Variants in ADAMTS7 observed in about 807,000 individuals in gnomAD.
ADAMTS7 encodes the protein A disintegrin and metalloproteinase with thrombospondin motifs 7.
In ADAMTS7, 89 loss-of-function variants were observed where a neutral mutation model predicts 172.6. That is an observed-to-expected ratio of 0.52 (90% CI 0.43 to 0.61). The LOEUF (loss-of-function observed/expected upper bound fraction) is 0.61, where lower values mean the gene tolerates loss of function less well. ADAMTS7 is among the 20% of genes least tolerant of loss of function. ADAMTS7 has a pLI of 0.00. For synonymous variants in ADAMTS7, 885 were observed against 978.4 expected (o/e 0.90, Z 1.78); for missense variants, 1,973 against 2,355.6 (o/e 0.84, Z 3.36).
chr15:78,780,703 T>A (rs938866312), intron 8 of ADAMTS7, among the ~76,000 whole-genome samples: 3 of 152,222 alleles, frequency 2.0e-5, no homozygotes, highest in African/African-American at 7.2e-5. Flanking sequence ...CTGAGGGTTC[T>A]TCTGCCCCAC....
At chr15:78,788,936 A>C (rs1273806720) in intron 7 of ADAMTS7, among the ~76,000 whole-genome samples, 3 of 152,236 alleles carry the variant, frequency 2.0e-5, no homozygotes, top group African/African-American at 7.2e-5. Flanking sequence ...TATTACCCTC[A>C]GGAAGGCTCA....
intron 2 of ADAMTS7, 135 bp from the exon 3 acceptor site, chr15:78,798,248 C>T: frequency 1.2e-6 from 1 of 819,054 alleles, no homozygotes; most frequent in South Asian, 2.1e-5. Context: ...ACACACTGTA[C>T]TTTCCTCCCG....
intron 8 of ADAMTS7, among the ~76,000 whole-genome samples, chr15:78,782,915 G>A (rs2055449157): frequency 6.6e-6 from 1 of 152,128 alleles, no homozygotes. Flanking sequence ...TGGGGAGGGT[G>A]AACCAGGAGG....
At chr15:78,798,632 C>T (rs1348460225) in intron 2 of ADAMTS7, among the ~76,000 whole-genome samples, 6 of 152,138 alleles carry the variant, frequency 3.9e-5, no homozygotes, top group Admixed American at 3.9e-4. Flanking sequence ...GAGGAGATGC[C>T]CACGGCCACC....
At chr15:78,806,915 A>G (rs1424558776) in intron 1 of ADAMTS7, among the ~76,000 whole-genome samples, 1 of 152,044 alleles carries the variant, frequency 6.6e-6, no homozygotes, top group Non-Finnish European at 1.5e-5. Context: ...TACAGGTGCA[A>G]GCCACCATGC....
chr15:78,793,630 T>C (rs2055608685), intron 4 of ADAMTS7, among the ~76,000 whole-genome samples: 1 of 152,234 alleles, frequency 6.6e-6, no homozygotes, highest in South Asian at 2.1e-4. Flanking sequence ...CCCTGAAATA[T>C]TCCTTGGGAA....
In ADAMTS7 at chr15:78,776,794, G is replaced by C; in HGVS notation, c.1515C>G (p.Ser505=). The stretch of plus-strand genomic sequence containing the variant: ...TGCCGTCCACAGCTGCATCCAGCTT[G>C]GAGTGACAGGTGGTCCCCACAGAGC... ...LWCSVGTTCH[S]KLDAAVDGTR... The change falls in exon 10 of 24, where the codon TCC becomes TCG. Residue 505 remains serine (S), a synonymous_variant. Transcript: ENST00000388820. The C allele has an allele frequency of 6.4e-7, 1 of 1,551,790 alleles. No homozygotes were observed. The highest frequency in any genetic ancestry group is 8.7e-7 in the Non-Finnish European group (1 of 1,146,762).
intron 8 of ADAMTS7, among the ~76,000 whole-genome samples, chr15:78,782,112 A>T (rs1596189152): frequency 6.6e-6 from 1 of 151,508 alleles, no homozygotes; most frequent in Non-Finnish European, 1.5e-5. Flanking sequence ...GCTCACTGCA[A>T]CCTCCACCTC....
Position 78,763,925 on chromosome 15 carries a change from C to T in ADAMTS7, c.4593+1G>A. The T allele has an allele frequency of 1.3e-6, 2 of 1,549,526 alleles. No homozygotes were observed. The highest frequency in any genetic ancestry group is 1.7e-6 in the Non-Finnish European group (2 of 1,147,198). On this transcript the variant is annotated splice_donor_variant, in intron 21 of 23. Transcript: ENST00000388820. LOFTEE classifies it high-confidence loss of function. ...CCCCCAACTCAACGGCCAGGCCTCA[C>T]CTCCCTCCAGGAAGATGTGTACCAG...
chr15:78,765,652 C>T lies in ADAMTS7; in HGVS notation c.4259G>A (p.Trp1420Ter), dbSNP rs2055127951. ...CCAGCCCACACCACTTGCCTCGCTC[C>T]AGTTTCCCGCTTGCCAGCCGGCGTT... ...VRNAGWQAGN[W>*]SECSTTCGLG... is the part of the protein sequence containing the mutation. The change falls in exon 19 of 24, where the codon TGG becomes TAG. Residue 1420 changes from tryptophan (W) to a stop codon, truncating the protein, a stop_gained. Coordinates refer to ENST00000388820, the MANE Select transcript of ADAMTS7 (RefSeq NM_014272.5). LOFTEE classifies it high-confidence loss of function. The T allele has an allele frequency of 6.2e-7, 1 of 1,608,764 alleles. No homozygotes were observed. Among genetic ancestry groups the T allele is most frequent in the South Asian group, 1.1e-5 (1 of 90,862 alleles).
rs1429534708 is a variant in ADAMTS7, at chr15:78,759,302, C to T, written c.*119G>A. On this transcript the variant is annotated 3_prime_UTR_variant, in exon 24 of 24. Transcript: ENST00000388820. ...CCTTTTTTGAGGGGGAGGAGGTCCC[C>T]AGCCTGCTGCTGGGTAGTGAGAGGG... 2.1e-6 allele frequency: 2 copies of T among 974,150 alleles called. No individual in the cohort carries two copies. Among genetic ancestry groups the T allele is most frequent in the Non-Finnish European group, 2.8e-6 (2 of 706,172 alleles). 60.3% of individuals were successfully genotyped at this position (974,150 alleles called of 1,614,324 possible). A position where few individuals can be genotyped will look rare whatever the true frequency, so the allele number is the denominator to read the frequency against.
At position 78,771,775 on chromosome 15, in the gene ADAMTS7, T is replaced by A; in HGVS notation, c.2186A>T (p.Glu729Val). The A allele has an allele frequency of 6.2e-7, 1 of 1,612,748 alleles. No homozygotes were observed. The highest frequency in any genetic ancestry group is 8.5e-7 in the Non-Finnish European group (1 of 1,179,994). The stretch of plus-strand genomic sequence containing the variant: ...CAGGAAGTTGGCAGCCTCGGCAACC[T>A]CTTGGATGCGGATCTCGCGTGCGCC... Reference protein sequence around the residue: ...PAGAREIRIQEVAEAANFLAL... With the variant: ...PAGAREIRIQVVAEAANFLAL... The change falls in exon 15 of 24, where the codon GAG becomes GTG. Residue 729 changes from glutamate to valine, a missense_variant. This residue lies in a region of ADAMTS7 where 771 missense variants were observed against 952.6 expected (regional missense o/e 0.81). Coordinates refer to ENST00000388820, the MANE Select transcript of ADAMTS7 (RefSeq NM_014272.5). The surrounding 1 kb of genome is among the most constrained non-coding windows in gnomAD (Gnocchi z 4.9).
intron 4 of ADAMTS7, among the ~76,000 whole-genome samples, chr15:78,791,560 C>T (rs189451891): frequency 2.4e-4 from 37 of 152,338 alleles, no homozygotes; most frequent in African/African-American, 6.3e-4. Context: ...CCAGCACAGG[C>T]GATGGCAGCT....
chr15:78,763,952 T>C lies in ADAMTS7; in HGVS notation c.4567A>G (p.Ser1523Gly). 1 of 1,547,260 alleles carries C rather than the reference T, an allele frequency of 6.5e-7. No individual in the cohort carries two copies. Among genetic ancestry groups the C allele is most frequent in the Non-Finnish European group, 8.7e-7 (1 of 1,145,132 alleles). Residue 1523 changes from serine (S) to glycine (G), a missense_variant, in exon 21 of 24, where the codon AGC becomes GGC. Ser to Gly is a moderately conservative substitution (Grantham distance 56). This residue lies in a region of ADAMTS7 where 218 missense variants were observed against 216.9 expected (regional missense o/e 1.01). Transcript: ENST00000388820. ...TCCCTCCAGGAAGATGTGTACCAGCTGAGGCAGGGCTGGGCCCCGCAGGGC... is the reference window on the plus strand; with the variant it reads ...TCCCTCCAGGAAGATGTGTACCAGCCGAGGCAGGGCTGGGCCCCGCAGGGC... ...HRPCGAQPCL[S>G]WYTSSWRECS... is the part of the protein sequence containing the mutation.
intron 8 of ADAMTS7, among the ~76,000 whole-genome samples, chr15:78,782,415 C>T (rs867576181): frequency 7.6e-6 from 1 of 130,778 alleles, no homozygotes; most frequent in African/African-American, 2.8e-5. Flanking sequence ...CCACTGGAGG[C>T]CAGCATCCTT....
intron 9 of ADAMTS7, 152 bp downstream of exon 9, chr15:78,777,292 C>T: frequency 3.5e-6 from 4 of 1,156,986 alleles, no homozygotes; most frequent in Non-Finnish European, 4.8e-6. Flanking sequence ...GCCTCTCCCA[C>T]AGGCCACTTG....
chr15:78,776,717 C>T lies in ADAMTS7; in HGVS notation c.1560+32G>A. 4 of 1,533,822 alleles carry T rather than the reference C, an allele frequency of 2.6e-6. No individual in the cohort carries two copies. In the Admixed American group the frequency reaches 7.9e-5, roughly 30 times the overall value. ...ACAGCAGGAAGTCTGGCCTCTCACACACCCACTGCCGGGACTGGGGACATC... is the reference window on the plus strand; with the variant it reads ...ACAGCAGGAAGTCTGGCCTCTCACATACCCACTGCCGGGACTGGGGACATC... On this transcript the variant is annotated intron_variant, in intron 10 of 23. Transcript: ENST00000388820.
chr15:78,764,468 C>T, intron 20 of ADAMTS7, 87 bp downstream of exon 20: 2 of 1,454,692 alleles, frequency 1.4e-6, no homozygotes, highest in South Asian at 2.7e-5. Flanking sequence ...CCTCCCCTTC[C>T]CTGCCGCTCT....
Position 78,774,228 on chromosome 15 carries a change from T to G in ADAMTS7, c.1949A>C (p.Asp650Ala), listed in dbSNP as rs758381650. ...TCGGACCTGGTAGCAGGGGGTGCCA[T>G]CGACCACGGCGTCCCGCAGCTTCTC... ...FAEKLRDAVV[D>A]GTPCYQVRAS... Residue 650 changes from aspartate to alanine, a missense_variant, in exon 13 of 24, where the codon GAT becomes GCT. Asp to Ala is a moderately radical substitution (Grantham distance 126, BLOSUM62 -2). Around this residue, in one of 8 missense-constraint regions of ADAMTS7, gnomAD observed 526 missense variants for 662.9 expected, o/e 0.79. Coordinates refer to ENST00000388820, the MANE Select transcript of ADAMTS7 (RefSeq NM_014272.5). 3.8e-6 allele frequency: 6 copies of G among 1,587,514 alleles called. No individual in the cohort carries two copies. The highest frequency in any genetic ancestry group is 1.7e-5 in the Admixed American group (1 of 58,640).
Sources: gnomAD v4.1 joint callset for allele counts (sites outside exome capture counted in the v4.1 genomes callset) on GRCh38, gnomAD v4.1.1 for gene constraint, gnomAD v4.1.1 regional missense constraint, Gnocchi (gnomAD v3.1) non-coding constraint, MANE v1.5 for transcripts, NCBI Gene and HGNC (gene_info 2026-07-23, HGNC 2026-07-21) for gene names.